Variants in NRXN3 observed in about 807,000 individuals in gnomAD.
NRXN3 encodes neurexin III.
A neutral mutation model predicts 137.6 loss-of-function variants in NRXN3; 32 were observed. The observed-to-expected ratio is 0.23, with a 90% CI of 0.18 to 0.31. The LOEUF is 0.31. NRXN3 is among the 10% of genes least tolerant of loss of function. The pLI, the probability that NRXN3 is intolerant of heterozygous loss-of-function variation, is 1.00. For synonymous variants in NRXN3, 798 were observed against 784.5 expected, an observed-to-expected ratio of 1.02 and a Z score of -0.29; for missense variants, 1,574 against 2,062.5, an observed-to-expected ratio of 0.76 and a Z score of 4.59.
intron 15 of NRXN3, among the ~76,000 whole-genome samples, chr14:79,298,103 T>C (rs2084502576): frequency 6.6e-6 from 1 of 152,056 alleles, no homozygotes; most frequent in African/African-American, 2.4e-5. Flanking sequence ...TTCTCAGTCC[T>C]GAATCCTTTA....
At chr14:78,941,994 A>G (rs1408403893) in intron 10 of NRXN3, among the ~76,000 whole-genome samples, 1 of 152,186 alleles carries the variant, frequency 6.6e-6, no homozygotes, top group Non-Finnish European at 1.5e-5. Flanking sequence ...TAGGCCAGAG[A>G]GTAGAGAGAA....
chr14:78,709,822 C>T (rs888310036), intron 7 of NRXN3, 167 bp downstream of exon 7: 5 of 630,488 alleles, frequency 7.9e-6, no homozygotes, highest in African/African-American at 5.5e-5. Flanking sequence ...ATACCTGTCT[C>T]ATAGATGGCT....
At chr14:78,634,430 G>T (rs547982172) in intron 4 of NRXN3, among the ~76,000 whole-genome samples, 1 of 152,186 alleles carries the variant, frequency 6.6e-6, no homozygotes, top group Admixed American at 6.5e-5. Context: ...TGCTCACAGC[G>T]TATGGTTAAA....
intron 4 of NRXN3, among the ~76,000 whole-genome samples, chr14:78,375,037 A>G (rs967861307): frequency 2.0e-5 from 3 of 152,212 alleles, no homozygotes; most frequent in Admixed American, 6.5e-5. Flanking sequence ...AAGAAATCCA[A>G]CTATTCTTGA....
At chr14:78,641,123 T>C (rs2097624176) in intron 4 of NRXN3, among the ~76,000 whole-genome samples, 1 of 152,198 alleles carries the variant, frequency 6.6e-6, no homozygotes, top group African/African-American at 2.4e-5. Context: ...TAATGGAGGA[T>C]TCAAAGGATT....
intron 16 of NRXN3, among the ~76,000 whole-genome samples, chr14:79,494,620 T>C (rs140735974): frequency 3.9e-4 from 59 of 152,306 alleles, no homozygotes; most frequent in Middle Eastern, 3.4e-3. Context: ...GGTCAGTTTA[T>C]ATATGTAGTC....
intron 10 of NRXN3, among the ~76,000 whole-genome samples, chr14:78,836,954 A>T (rs2152427275): frequency 6.6e-6 from 1 of 152,208 alleles, no homozygotes; most frequent in Admixed American, 6.5e-5. Flanking sequence ...GGCCACAAGG[A>T]GTATCAGTTG....
intron 10 of NRXN3, among the ~76,000 whole-genome samples, chr14:78,913,357 G>A (rs978401392): frequency 7.9e-6 from 1 of 126,132 alleles, no homozygotes; most frequent in African/African-American, 3.1e-5. Context: ...TCAGTCCACT[G>A]CAACCTCCAC....
At position 78,349,472 on chromosome 14, in the gene NRXN3, G is replaced by A. The variant is rs151296782; in HGVS notation, c.757+51612G>A. Among the ~76,000 whole-genome samples, 452 of 152,282 alleles carry A rather than the reference G, an allele frequency of 3.0e-3. 2 individuals are homozygous for A. The highest frequency in any genetic ancestry group is 0.01 in the African/African-American group (435 of 41,552). ...ATTTGGGAGCCCTTTCTTCCTTTCC[G>A]AGTCCCCATTTATCTTCTTCCACAA... is the stretch of plus-strand genomic sequence containing the variant. On this transcript the variant is annotated intron_variant, in intron 4 of 20. Transcript: ENST00000335750.
chr14:78,939,429 C>T (rs1250082357), intron 10 of NRXN3, among the ~76,000 whole-genome samples: 2 of 152,176 alleles, frequency 1.3e-5, no homozygotes, highest in East Asian at 1.9e-4. Context: ...ACACAATGTT[C>T]ATCTACCTTG....
At chr14:78,222,983 A>G (rs1006680325) in intron 1 of NRXN3, among the ~76,000 whole-genome samples, 3 of 152,254 alleles carry the variant, frequency 2.0e-5, no homozygotes, top group Non-Finnish European at 4.4e-5. Flanking sequence ...ATCTCCACAT[A>G]AAAGAATTCA....
chr14:78,266,296 GTTTC>G (rs1041396083), intron 2 of NRXN3, among the ~76,000 whole-genome samples: 2 of 151,918 alleles, frequency 1.3e-5, no homozygotes, highest in Non-Finnish European at 2.9e-5. Flanking sequence ...CTTAATCTGT[GTTTC>G]TTTCTTTCTT....
intron 15 of NRXN3, among the ~76,000 whole-genome samples, chr14:79,190,299 T>A (rs1162095776): frequency 6.6e-6 from 1 of 152,152 alleles, no homozygotes; most frequent in East Asian, 1.9e-4. Context: ...GATTTCTTCT[T>A]TTTGCTTTCT....
intron 10 of NRXN3, among the ~76,000 whole-genome samples, chr14:78,859,531 C>T (rs1484317481): frequency 2.0e-5 from 3 of 152,112 alleles, no homozygotes; most frequent in Admixed American, 6.6e-5. Context: ...TATAACAGAA[C>T]AGCAAAAAAT....
At position 78,909,320 on chromosome 14, in the gene NRXN3, A is replaced by T. The variant is rs149129507; in HGVS notation, c.2276-47922A>T. 2.2e-4 allele frequency among the ~76,000 whole-genome samples: 33 copies of T among 152,298 alleles called. No homozygotes were observed. The East Asian group carries it at 6.2e-3, about 29-fold the overall frequency. The stretch of plus-strand genomic sequence containing the variant: ...AATCAAAGCAAAAGCAGACTGGTCA[A>T]GAGCAAAGGTCATTGCAACAGTTTT... On this transcript the variant is annotated intron_variant, in intron 10 of 20. Transcript: ENST00000335750.
intron 16 of NRXN3, among the ~76,000 whole-genome samples, chr14:79,616,746 A>G (rs1196081255): frequency 6.6e-6 from 1 of 152,188 alleles, no homozygotes; most frequent in Non-Finnish European, 1.5e-5. Flanking sequence ...CCATGGGTTC[A>G]ATGGGGATCT....
chr14:79,196,135 G>C (rs1312229088), intron 15 of NRXN3, among the ~76,000 whole-genome samples: 1 of 152,188 alleles, frequency 6.6e-6, no homozygotes, highest in South Asian at 2.1e-4. Flanking sequence ...ACATTTCACT[G>C]TCTATAGAGG....
At chr14:78,983,854 T>TA (rs965751583) in intron 14 of NRXN3, among the ~76,000 whole-genome samples, 5,113 of 105,818 alleles carry the variant, frequency 0.048, 281 homozygotes, top group African/African-American at 0.14. Flanking sequence ...AGATTCCATT[T>TA]AAAAAAAAAA....
intron 15 of NRXN3, among the ~76,000 whole-genome samples, chr14:79,150,716 A>AG (rs1036035065): frequency 6.6e-6 from 1 of 152,064 alleles, no homozygotes; most frequent in African/African-American, 2.4e-5. Flanking sequence ...AATAAAAAAA[A>AG]AAAAAGAAAA....
Sources: allele counts gnomAD v4.1 joint callset (sites outside exome capture counted in the v4.1 genomes callset), GRCh38; gene constraint gnomAD v4.1.1; transcripts MANE v1.5; gene names NCBI Gene and HGNC (gene_info 2026-07-23, HGNC 2026-07-21).